Variants in THSD4 observed in about 807,000 individuals in gnomAD.
THSD4 encodes thrombospondin type-1 domain-containing protein 4.
Under a neutral mutation model 119.0 loss-of-function variants are expected in THSD4, and 69 were observed. The ratio of observed to expected loss-of-function variants is 0.58; its 90% CI spans 0.48 to 0.71. The LOEUF (loss-of-function observed/expected upper bound fraction) is 0.71, where lower values mean the gene tolerates loss of function less well. Ranked by LOEUF, THSD4 falls within the 30% of genes least tolerant of loss-of-function variation. THSD4 has a pLI of 0.00. For synonymous variants in THSD4, 524 were observed against 540.4 expected (o/e 0.97, Z 0.42); for missense variants, 1,393 against 1,391.1 (o/e 1.00, Z -0.02).
intron 6 of THSD4, among the ~76,000 whole-genome samples, chr15:71,379,447 C>CTTTTT (rs1356266423): frequency 1.8e-5 from 2 of 112,848 alleles, no homozygotes; most frequent in African/African-American, 3.2e-5. Flanking sequence ...AAGCAAATGG[C>CTTTTT]TTCTTTTTTT....
intron 7 of THSD4, among the ~76,000 whole-genome samples, chr15:71,571,210 CT>C (rs72237850): frequency 0.19 from 28,102 of 147,880 alleles, 3,001 homozygotes; most frequent in East Asian, 0.49. Flanking sequence ...GAAGAACTCA[CT>C]TTTTTTTTTT....
chr15:71,486,792 G>A (rs2047829962), intron 7 of THSD4, among the ~76,000 whole-genome samples: 1 of 152,060 alleles, frequency 6.6e-6, no homozygotes, highest in Admixed American at 6.5e-5. Context: ...TGCAATTTTG[G>A]AGTGTGAGCT....
At chr15:71,593,890 C>T (rs2049856012) in intron 7 of THSD4, among the ~76,000 whole-genome samples, 1 of 150,736 alleles carries the variant, frequency 6.6e-6, no homozygotes, top group South Asian at 2.1e-4. Flanking sequence ...GACAACAACA[C>T]AAGATCCTGA....
At chr15:71,731,533 C>T (rs150723710) in intron 10 of THSD4, 204 of 307,922 alleles carry the variant, frequency 6.6e-4, no homozygotes, top group African/African-American at 4.0e-3. Flanking sequence ...AATCCTAGCA[C>T]TCTGGGAGGC....
intron 8 of THSD4, among the ~76,000 whole-genome samples, chr15:71,699,719 A>T (rs1286225480): frequency 2.0e-5 from 3 of 152,150 alleles, no homozygotes; most frequent in Non-Finnish European, 4.4e-5. Context: ...TTCTATATTA[A>T]TATGACGGTC....
intron 7 of THSD4, among the ~76,000 whole-genome samples, chr15:71,483,770 C>T (rs1220381412): frequency 6.6e-6 from 1 of 150,882 alleles, no homozygotes; most frequent in African/African-American, 2.4e-5. Context: ...CCGACAGACC[C>T]CAGTGTGTGT....
intron 11 of THSD4, among the ~76,000 whole-genome samples, chr15:71,741,380 C>A (rs1477008601): frequency 6.6e-6 from 1 of 152,094 alleles, no homozygotes; most frequent in African/African-American, 2.4e-5. Context: ...GTAATCCCAG[C>A]TACTCGGGAG....
chr15:71,753,256 G>C (rs978854334), intron 14 of THSD4, among the ~76,000 whole-genome samples: 1 of 152,124 alleles, frequency 6.6e-6, no homozygotes, highest in Non-Finnish European at 1.5e-5. Context: ...TCAGAAGTAA[G>C]CATCGTTGAC....
At chr15:71,442,672 A>ATGTG (rs1566985062) in intron 7 of THSD4, among the ~76,000 whole-genome samples, 5 of 56,532 alleles carry the variant, frequency 8.8e-5, no homozygotes, top group African/African-American at 2.3e-4. Context: ...ATATATATAT[A>ATGTG]TATATATATA....
rs1567126097 is a variant in THSD4, at chr15:71,097,730, T to TATATA, written c.-80+724_-80+725insATATA. Among the ~76,000 whole-genome samples the TATATA allele has an allele frequency of 3.3e-3, 388 of 118,898 alleles. 2 individuals are homozygous for TATATA. Among genetic ancestry groups the TATATA allele is most frequent in the African/African-American group, 1.0e-2 (311 of 31,108 alleles). 78.0% of individuals were successfully genotyped at this position (118,898 alleles called of 152,430 possible). On this transcript the variant is annotated intron_variant, in intron 1 of 17. Coordinates refer to the THSD4 transcript ENST00000355327. Reference sequence around the variant, plus strand: ...GATGTATATATATATATATATATATTTTTTTTTTTAAGTCCAAAGCAAACT... The same window carrying TATATA: ...GATGTATATATATATATATATATATTATATATTTTTTTTTAAGTCCAAAGCAAACT...
intron 8 of THSD4, among the ~76,000 whole-genome samples, chr15:71,699,713 A>G (rs1378340127): frequency 2.0e-5 from 3 of 152,144 alleles, no homozygotes; most frequent in Non-Finnish European, 2.9e-5. Flanking sequence ...TGGGTTTTCT[A>G]TATTAATATG....
chr15:71,710,907 C>G (rs1229788467), intron 8 of THSD4, among the ~76,000 whole-genome samples: 1 of 152,066 alleles, frequency 6.6e-6, no homozygotes, highest in Non-Finnish European at 1.5e-5. Flanking sequence ...CAACTCTTCA[C>G]CAGCTGTGTC....
chr15:71,440,591 T>A (rs764397878), intron 7 of THSD4, among the ~76,000 whole-genome samples: 18 of 152,252 alleles, frequency 1.2e-4, no homozygotes, highest in Non-Finnish European at 2.9e-5. Context: ...TTCCTGCTTT[T>A]ATAGATCATA....
intron 3 of THSD4, among the ~76,000 whole-genome samples, chr15:71,204,206 C>G (rs905670533): frequency 6.6e-6 from 1 of 152,194 alleles, no homozygotes; most frequent in Non-Finnish European, 1.5e-5. Context: ...CTAGTTATAA[C>G]GAAGTACAGT....
At chr15:71,501,447 G>T (rs540590502) in intron 7 of THSD4, among the ~76,000 whole-genome samples, 1 of 152,184 alleles carries the variant, frequency 6.6e-6, no homozygotes, top group Admixed American at 6.5e-5. Context: ...CCAAGGCTGT[G>T]TTCTGTTCAT....
At chr15:71,429,221 T>C (rs1364684996) in intron 7 of THSD4, among the ~76,000 whole-genome samples, 1 of 152,226 alleles carries the variant, frequency 6.6e-6, no homozygotes, top group Non-Finnish European at 1.5e-5. Flanking sequence ...GGGATACAGA[T>C]GTTTATATAC....
chr15:71,216,320 C>T (rs2140251279), intron 4 of THSD4, among the ~76,000 whole-genome samples: 1 of 152,364 alleles, frequency 6.6e-6, no homozygotes, highest in South Asian at 2.1e-4. Flanking sequence ...ATCAGGTGGG[C>T]TGCCTTGCCC....
At chr15:71,256,551 A>G (rs2044319158) in intron 5 of THSD4, 62 bp from the exon 6 acceptor site, 1 of 1,319,146 alleles carries the variant, frequency 7.6e-7, no homozygotes, top group Non-Finnish European at 1.1e-6. Context: ...GGGTTTGGAA[A>G]TGTATCCTGG....
intron 2 of THSD4, among the ~76,000 whole-genome samples, chr15:71,142,239 A>C (rs1435275573): frequency 1.3e-5 from 2 of 152,136 alleles, no homozygotes; most frequent in African/African-American, 4.8e-5. Flanking sequence ...CATGCGTGGC[A>C]AGTTGAGTAA....
Sources: gnomAD v4.1 joint callset for allele counts (sites outside exome capture counted in the v4.1 genomes callset) on GRCh38, gnomAD v4.1.1 for gene constraint, MANE v1.5 for transcripts, NCBI Gene and HGNC (gene_info 2026-07-23, HGNC 2026-07-21) for gene names.